Variants in RYR2 observed in about 807,000 individuals in gnomAD.
RYR2 encodes cardiac muscle ryanodine receptor-calcium release channel.
In RYR2, 227 loss-of-function variants were observed where a neutral mutation model predicts 601.1. The ratio of observed to expected loss-of-function variants is 0.38; its 90% confidence interval spans 0.34 to 0.42. The LOEUF (loss-of-function observed/expected upper bound fraction) is 0.42. Among genes scored for constraint, RYR2 ranks in the 10% least tolerant of loss-of-function variants. The pLI, the probability that RYR2 is intolerant of heterozygous loss-of-function variation, is 1.00. For synonymous variants in RYR2, 2,223 were observed against 2,175.1 expected (o/e 1.02, Z -0.61); for missense variants, 4,646 against 6,156.5 (o/e 0.75, Z 8.21).
rs545774831 is a variant in RYR2 at position 237,792,387 on chromosome 1, G to C, written c.13782+64G>C. 828 of 849,262 alleles carry C rather than the reference G, an allele frequency of 9.7e-4. 18 individuals are homozygous for C. In the South Asian group the frequency reaches 0.014, roughly 14 times the overall value. The allele number at this position is 849,262 out of a possible 1,614,324, so 52.6% of individuals were successfully genotyped here. A position where few individuals can be genotyped will look rare whatever the true frequency, so the allele number is the denominator to read the frequency against. On this transcript the variant is annotated intron_variant, in intron 94 of 104. Transcript: ENST00000366574. ...TGTGTGTGTGTGTGTGTGTGCGTGT[G>C]TGTGTGTGTGCGTGTGTGTGTGTGT...
At chr1:237,516,479 A>G (rs150536693) in intron 24 of RYR2, among the ~76,000 whole-genome samples, 2 of 152,228 alleles carry the variant, frequency 1.3e-5, no homozygotes, top group Non-Finnish European at 2.9e-5. Context: ...ATTTCTTCTC[A>G]GTGTGCAAGC....
At chr1:237,447,769 G>A (rs903847377) in intron 14 of RYR2, among the ~76,000 whole-genome samples, 64 of 135,648 alleles carry the variant, frequency 4.7e-4, no homozygotes, top group African/African-American at 1.6e-3. Flanking sequence ...TTTTCTTTCC[G>A]TCTGTCTCTC....
chr1:237,314,518 G>T (rs1694918774), intron 2 of RYR2, among the ~76,000 whole-genome samples: 1 of 152,176 alleles, frequency 6.6e-6, no homozygotes, highest in Admixed American at 6.5e-5. Context: ...CAGGTGCTCA[G>T]GTTGCTAATC....
chr1:237,585,587 T>C (rs1674441371), intron 29 of RYR2, among the ~76,000 whole-genome samples: 1 of 152,254 alleles, frequency 6.6e-6, no homozygotes, highest in Non-Finnish European at 1.5e-5. Context: ...GTCCTTGCTG[T>C]GTATAGGCTA....
chr1:237,564,036 A>C (rs986451163), intron 27 of RYR2, among the ~76,000 whole-genome samples: 1 of 152,196 alleles, frequency 6.6e-6, no homozygotes, highest in Non-Finnish European at 1.5e-5. Context: ...GCAAATATCA[A>C]CATAATTAAA....
At chr1:237,231,290 T>C (rs1684972581) in intron 1 of RYR2, among the ~76,000 whole-genome samples, 1 of 151,918 alleles carries the variant, frequency 6.6e-6, no homozygotes, top group Non-Finnish European at 1.5e-5. Flanking sequence ...TTTTTTTAAA[T>C]AGAGATAGTG....
In RYR2 at chr1:237,770,787, T is replaced by A. The variant is rs1347306061; in HGVS notation, c.11477-20T>A. ...GGCTGGGGTGGCTGGTAATGTTTGA[T>A]CCCTCTGGATTTCCCACAGGAGAAA... On this transcript the variant is annotated intron_variant, in intron 84 of 104. Coordinates refer to ENST00000366574, the MANE Select transcript of RYR2 (RefSeq NM_001035.3). The A allele has an allele frequency of 1.4e-5, 21 of 1,512,770 alleles. No individual in the cohort carries two copies. Among genetic ancestry groups the A allele is most frequent in the Non-Finnish European group, 1.7e-5 (19 of 1,112,142 alleles). 93.7% of individuals were successfully genotyped at this position (1,512,770 alleles called of 1,614,324 possible).
At chr1:237,216,403 C>T (rs77613708) in intron 1 of RYR2, among the ~76,000 whole-genome samples, 1 of 152,036 alleles carries the variant, frequency 6.6e-6, no homozygotes, top group African/African-American at 2.4e-5. Flanking sequence ...GTGAGGATTC[C>T]AAGCCTTAAG....
At position 237,591,828 on chromosome 1, in the gene RYR2, A is replaced by G. The variant is rs777557037; in HGVS notation, c.4250A>G (p.Tyr1417Cys). The G allele has an allele frequency of 2.5e-6, 4 of 1,613,280 alleles. No individual in the cohort carries two copies. The highest frequency in any genetic ancestry group is 1.1e-5 in the South Asian group (1 of 90,878). ...GTCCTTGCTGATGATCGGGATGACT[A>G]TGATTTCTTGATGCAAACGTCCACG... The part of the protein sequence containing the change: ...EDVLADDRDD[Y>C]DFLMQTSTYY... Residue 1417 changes from tyrosine (Y) to cysteine (C), a missense_variant, in exon 32 of 105, where the codon TAT becomes TGT. This residue lies in a region of RYR2 where 1,807 missense variants were observed against 2,088.1 expected (regional missense o/e 0.87). Coordinates refer to ENST00000366574, the MANE Select transcript of RYR2 (RefSeq NM_001035.3).
intron 1 of RYR2, among the ~76,000 whole-genome samples, chr1:237,167,986 T>G (rs2148891578): frequency 6.6e-6 from 1 of 152,326 alleles, no homozygotes; most frequent in South Asian, 2.1e-4. Flanking sequence ...AATTTCTGTT[T>G]CTTAAAGCAA....
At chr1:237,650,156 G>A in intron 50 of RYR2, 59 bp downstream of exon 50, 3 of 1,444,188 alleles carry the variant, frequency 2.1e-6, no homozygotes, top group African/African-American at 1.4e-5. Context: ...TTTACAATGT[G>A]GCCTTTGACA....
chr1:237,260,408 G>C (rs1299236235), intron 1 of RYR2, among the ~76,000 whole-genome samples: 1 of 152,194 alleles, frequency 6.6e-6, no homozygotes, highest in Non-Finnish European at 1.5e-5. Flanking sequence ...AAGCACAAAG[G>C]AGAAAATTCC....
At chr1:237,758,769 G>C (rs1693166871) in intron 82 of RYR2, among the ~76,000 whole-genome samples, 1 of 152,128 alleles carries the variant, frequency 6.6e-6, no homozygotes, top group Non-Finnish European at 1.5e-5. Flanking sequence ...CTTTGAGCAT[G>C]CTTTCTATCA....
At chr1:237,495,068 T>C (rs553946218) in intron 19 of RYR2, among the ~76,000 whole-genome samples, 68 of 152,260 alleles carry the variant, frequency 4.5e-4, no homozygotes, top group African/African-American at 8.2e-4. Flanking sequence ...GGATTACAGG[T>C]GTGAGCCACT....
At chr1:237,646,351 T>A (rs533456536) in intron 48 of RYR2, among the ~76,000 whole-genome samples, 1 of 151,326 alleles carries the variant, frequency 6.6e-6, no homozygotes, top group Admixed American at 6.6e-5. Context: ...AAAAAAAAAT[T>A]TTTTTTTTTA....
At chr1:237,726,911 T>C (rs1186607567) in intron 75 of RYR2, among the ~76,000 whole-genome samples, 176 bp from the exon 76 acceptor site, 1 of 152,114 alleles carries the variant, frequency 6.6e-6, no homozygotes, top group Non-Finnish European at 1.5e-5. Flanking sequence ...TTTTAGGATA[T>C]GGACTTCTTC....
chr1:237,129,114 C>T (rs914678870), intron 1 of RYR2, among the ~76,000 whole-genome samples: 5 of 152,194 alleles, frequency 3.3e-5, no homozygotes, highest in Non-Finnish European at 5.9e-5. Flanking sequence ...CTGCCACCCC[C>T]ACTACAACCT....
chr1:237,420,689 C>A (rs1046432581), intron 11 of RYR2, among the ~76,000 whole-genome samples: 2 of 152,134 alleles, frequency 1.3e-5, no homozygotes, highest in Non-Finnish European at 2.9e-5. Flanking sequence ...TTCAAAGGAG[C>A]ACTGGTACAT....
In RYR2 at chr1:237,733,801, G is replaced by A. The variant is rs77244785; in HGVS notation, c.11091+45G>A. The A allele has an allele frequency of 1.1e-4, 148 of 1,289,880 alleles. No homozygotes were observed. In the East Asian group the frequency reaches 3.2e-3, roughly 28 times the overall value. The allele number at this position is 1,289,880 out of a possible 1,614,324, so 79.9% of individuals were successfully genotyped here. ...GATTTTCATGTTTAATTTTAATAAA[G>A]GGAAGTAACTTTCATCTGAAAAGGA... is the stretch of plus-strand genomic sequence containing the variant. On this transcript the variant is annotated intron_variant, in intron 79 of 104. Transcript: ENST00000366574.
Sources: gnomAD v4.1 joint callset for allele counts (sites outside exome capture counted in the v4.1 genomes callset) on GRCh38, gnomAD v4.1.1 for gene constraint, gnomAD v4.1.1 regional missense constraint, MANE v1.5 for transcripts, NCBI Gene and HGNC (gene_info 2026-07-23, HGNC 2026-07-21) for gene names.